UPRT: variants seen among roughly 807,000 people sequenced by gnomAD.
UPRT encodes uracil phosphoribosyltransferase homolog.
In UPRT, 5 loss-of-function variants were observed where a neutral mutation model predicts 22.6. That is an observed-to-expected ratio of 0.22 (90% CI 0.12 to 0.47). UPRT has a LOEUF of 0.47. Ranked by LOEUF, UPRT falls within the 20% of genes least tolerant of loss-of-function variation. The pLI is 0.99. For synonymous variants in UPRT, 77 were observed against 87.7 expected, an observed-to-expected ratio of 0.88 and a Z score of 0.68; for missense variants, 181 against 239.9, an observed-to-expected ratio of 0.75 and a Z score of 1.62.
intron 4 of UPRT, among the ~76,000 whole-genome samples, chrX:75,171,383 A>G (rs1264078461): frequency 9.0e-6 from 1 of 111,361 alleles, no homozygotes; most frequent in African/African-American, 3.3e-5. Flanking sequence ...TTTCCAGTAC[A>G]TTTTGCATTT....
intron 2 of UPRT, among the ~76,000 whole-genome samples, chrX:75,295,826 T>C (rs1157522679): frequency 8.9e-6 from 1 of 111,908 alleles, no homozygotes; most frequent in Non-Finnish European, 1.9e-5. Flanking sequence ...TTTTACTGGA[T>C]CCTCCTTCAA....
rs1025113896 is a variant in UPRT, at chrX:75,235,584, A to G, written c.-446-55440A>G. 2.7e-5 allele frequency among the ~76,000 whole-genome samples: 3 copies of G among 111,862 alleles called. No homozygotes were observed. The East Asian group carries it at 8.3e-4, about 31-fold the overall frequency. On this transcript the variant is annotated intron_variant, in intron 4 of 13. Transcript: ENST00000652605. ...GCAAACCGAATCCAGCAGCACATCA[A>G]AAAGCTTATCCACCATGATCAAGTG... is the stretch of plus-strand genomic sequence containing the variant.
chrX:75,265,896 C>T (rs1371916150), intron 4 of UPRT, among the ~76,000 whole-genome samples: 1 of 110,680 alleles, frequency 9.0e-6, no homozygotes, highest in East Asian at 2.8e-4. Context: ...TGTGAAGGAC[C>T]TCTTCAAGGA....
In UPRT at chrX:75,267,482, G is replaced by A. The variant is rs1207251395; in HGVS notation, c.-446-23542G>A. Among the ~76,000 whole-genome samples, 6 of 111,696 alleles carry A rather than the reference G, an allele frequency of 5.4e-5. No homozygotes were observed. The East Asian group carries it at 1.7e-3, about 31-fold the overall frequency. On this transcript the variant is annotated intron_variant, in intron 4 of 13. Coordinates refer to the UPRT transcript ENST00000652605. Reference sequence around the variant, plus strand: ...AGGAGATATACCTAATGTAAATGACGAGTTAATGGGTGCAGCACACCAATA... The same window carrying A: ...AGGAGATATACCTAATGTAAATGACAAGTTAATGGGTGCAGCACACCAATA...
intron 4 of UPRT, among the ~76,000 whole-genome samples, chrX:75,251,791 A>G (rs1222007552): frequency 2.7e-5 from 3 of 111,582 alleles, no homozygotes; most frequent in African/African-American, 6.5e-5. Context: ...TGGAGGCATC[A>G]CACTACCTGA....
Position 75,303,610 on chromosome X carries a change from G to A in UPRT, c.*99G>A, listed in dbSNP as rs1438657227. The A allele has an allele frequency of 1.0e-5, 7 of 681,069 alleles. No individual in the cohort carries two copies. The highest frequency in any genetic ancestry group is 6.8e-5 in the African/African-American group (3 of 43,974). The allele number at this position is 681,069 out of a possible 1,213,427, so 56.1% of individuals were successfully genotyped here. On this transcript the variant is annotated 3_prime_UTR_variant, in exon 7 of 7. Transcript: ENST00000373383. ...ACTTGAGGGTGGCAGAGAAAAATGT[G>A]TTAAAATGCTTTTTAGTTTTGGAAG...
chrX:75,164,711 A>C (rs2082208496), intron 3 of UPRT, among the ~76,000 whole-genome samples: 1 of 111,553 alleles, frequency 9.0e-6, no homozygotes, highest in Non-Finnish European at 1.9e-5. Flanking sequence ...AAACTCCATG[A>C]ATATACTAAA....
Position 75,173,779 on chromosome X carries a change from G to A in UPRT, c.-447+5900G>A, listed in dbSNP as rs773905892. ...GCTAAGGCTCGGTGAGAAATTGAGC[G>A]CAGCGCTGGTGGGCTGGCACTCCTG... On this transcript the variant is annotated intron_variant, in intron 4 of 13. Transcript: ENST00000652605. Among the ~76,000 whole-genome samples the A allele has an allele frequency of 2.3e-3, 254 of 111,320 alleles. 1 individual carries two copies. The highest frequency in any genetic ancestry group is 9.1e-3 in the East Asian group (32 of 3,510).
chrX:75,209,351 A>G (rs2082374466), intron 4 of UPRT, among the ~76,000 whole-genome samples: 1 of 111,088 alleles, frequency 9.0e-6, no homozygotes, highest in Non-Finnish European at 1.9e-5. Flanking sequence ...GGCTGAGCAC[A>G]GTCCGACTTC....
At chrX:75,178,295 G>C (rs2082255997) in intron 4 of UPRT, among the ~76,000 whole-genome samples, 1 of 112,051 alleles carries the variant, frequency 8.9e-6, no homozygotes, top group Non-Finnish European at 1.9e-5. Context: ...CGAATTCTAA[G>C]GAAAGATAGG....
intron 4 of UPRT, among the ~76,000 whole-genome samples, chrX:75,226,863 G>A (rs1569269147): frequency 9.0e-6 from 1 of 110,965 alleles, no homozygotes; most frequent in Non-Finnish European, 1.9e-5. Flanking sequence ...CTCAACATCT[G>A]AGAACACTGT....
intron 4 of UPRT, among the ~76,000 whole-genome samples, chrX:75,264,241 A>T (rs1417299238): frequency 9.0e-6 from 1 of 111,442 alleles, no homozygotes; most frequent in Non-Finnish European, 1.9e-5. Context: ...TATTAGGTCC[A>T]CTTGGTGCAG....
intron 1 of UPRT, among the ~76,000 whole-genome samples, chrX:75,280,923 C>T (rs2082654119): frequency 9.0e-6 from 1 of 111,118 alleles, no homozygotes; most frequent in Admixed American, 9.5e-5. Flanking sequence ...TGTTTCCATT[C>T]ATTTGTGTCA....
At chrX:75,165,486 T>A (rs1190452383) in intron 3 of UPRT, among the ~76,000 whole-genome samples, 1 of 111,566 alleles carries the variant, frequency 9.0e-6, no homozygotes, top group Non-Finnish European at 1.9e-5. Context: ...GGAAGAGTCA[T>A]TTTATTTAAT....
chrX:75,211,260 C>T (rs1052537797), intron 4 of UPRT, among the ~76,000 whole-genome samples: 2 of 110,777 alleles, frequency 1.8e-5, no homozygotes, highest in Admixed American at 9.5e-5. Flanking sequence ...CGAATTCCTC[C>T]GGGAGAAGGA....
chrX:75,246,222 T>C (rs930720328), intron 4 of UPRT, among the ~76,000 whole-genome samples: 1 of 107,225 alleles, frequency 9.3e-6, no homozygotes, highest in Admixed American at 1.0e-4. Flanking sequence ...GTCATTTACA[T>C]TAGGTATATC....
chrX:75,186,372 C>A (rs1464128580), intron 4 of UPRT, among the ~76,000 whole-genome samples: 2 of 111,774 alleles, frequency 1.8e-5, no homozygotes, highest in African/African-American at 6.5e-5. Context: ...TTTGATTGCA[C>A]TGTGGTCTGA....
chrX:75,192,455 T>C (rs946498918), intron 4 of UPRT, among the ~76,000 whole-genome samples: 1 of 111,112 alleles, frequency 9.0e-6, no homozygotes, highest in African/African-American at 3.3e-5. Flanking sequence ...GGGTGGAGAG[T>C]TTTGTACATG....
intron 4 of UPRT, among the ~76,000 whole-genome samples, chrX:75,249,978 C>T (rs1246032286): frequency 2.7e-5 from 3 of 111,684 alleles, no homozygotes; most frequent in Admixed American, 1.9e-4. Context: ...CATAACGAAA[C>T]AAAGGCAGAA....
Sources: gnomAD v4.1 joint callset for allele counts (sites outside exome capture counted in the v4.1 genomes callset) on GRCh38, gnomAD v4.1.1 for gene constraint, MANE v1.5 for transcripts, NCBI Gene and HGNC (gene_info 2026-07-23, HGNC 2026-07-21) for gene names.